MSN: variants seen among roughly 807,000 people sequenced by gnomAD.
MSN encodes epididymis luminal protein 70.
In MSN, 2 loss-of-function variants were observed where a neutral mutation model predicts 48.0. The ratio of observed to expected loss-of-function variants is 0.04; its 90% CI spans 0.02 to 0.13. The LOEUF (loss-of-function observed/expected upper bound fraction) is 0.13, where lower values mean the gene tolerates loss of function less well. MSN is among the 10% of genes least tolerant of loss of function. MSN has a pLI of 1.00. For missense variants in MSN, 267 were observed against 470.1 expected (o/e 0.57, Z 3.99); for synonymous variants, 146 against 166.9 (o/e 0.87, Z 0.97).
chrX:65,602,921 C>A (rs946345669), intron 1 of MSN, among the ~76,000 whole-genome samples: 4 of 111,117 alleles, frequency 3.6e-5, no homozygotes, highest in Admixed American at 2.9e-4. Flanking sequence ...CTGGTAGGAA[C>A]CTTAGAGACC....
At chrX:65,591,257 G>A (rs1172719793) in intron 1 of MSN, among the ~76,000 whole-genome samples, 2 of 111,580 alleles carry the variant, frequency 1.8e-5, no homozygotes, top group Non-Finnish European at 3.8e-5. Context: ...TCTTAGGCAT[G>A]TGTATCTCAG....
At chrX:65,702,922 C>T (rs1359372126) in intron 1 of MSN, among the ~76,000 whole-genome samples, 2 of 111,897 alleles carry the variant, frequency 1.8e-5, no homozygotes, top group Non-Finnish European at 3.8e-5. Flanking sequence ...GAGGAAATCC[C>T]CATCTCTCTC....
chrX:65,637,284 C>T (rs1252116465), intron 1 of MSN, among the ~76,000 whole-genome samples: 1 of 105,906 alleles, frequency 9.4e-6, no homozygotes. Context: ...TGCCTGTAAT[C>T]CCAGCTACTC....
intron 7 of MSN, among the ~76,000 whole-genome samples, chrX:65,734,913 T>C (rs1202615209): frequency 8.9e-6 from 1 of 112,157 alleles, no homozygotes; most frequent in Non-Finnish European, 1.9e-5. Context: ...AGACCTAGCA[T>C]GTTCCCTAAT....
At chrX:65,628,701 ATGT>A (rs1462957578) in intron 1 of MSN, among the ~76,000 whole-genome samples, 3 of 111,080 alleles carry the variant, frequency 2.7e-5, no homozygotes, top group Non-Finnish European at 5.7e-5. Context: ...CTTAAAAAAA[ATGT>A]TTTTTTTTTC....
chrX:65,688,320 C>T (rs1291461646), intron 1 of MSN, among the ~76,000 whole-genome samples: 3 of 111,842 alleles, frequency 2.7e-5, no homozygotes, highest in African/African-American at 9.8e-5. Context: ...TCAAGAGATC[C>T]GCCCACTTCG....
chrX:65,645,943 G>A (rs894822233), intron 1 of MSN, among the ~76,000 whole-genome samples: 4 of 111,686 alleles, frequency 3.6e-5, no homozygotes, highest in African/African-American at 9.8e-5. Flanking sequence ...TCCCTAATCC[G>A]AAAAGTTGGC....
intron 9 of MSN, 86 bp from the exon 10 acceptor site, chrX:65,737,092 G>A (rs1006995422): frequency 1.1e-5 from 13 of 1,135,892 alleles, no homozygotes; most frequent in Non-Finnish European, 1.5e-5. Context: ...GCTTTGTCTT[G>A]GGGTGGATCA....
At chrX:65,618,270 T>G (rs1371339062) in intron 1 of MSN, among the ~76,000 whole-genome samples, 7 of 111,324 alleles carry the variant, frequency 6.3e-5, no homozygotes, top group African/African-American at 2.3e-4. Context: ...CTTGCTGACT[T>G]TCTGTCTTGT....
At chrX:65,668,550 C>T (rs1402715133) in intron 1 of MSN, among the ~76,000 whole-genome samples, 1 of 111,699 alleles carries the variant, frequency 9.0e-6, no homozygotes, top group African/African-American at 3.3e-5. Flanking sequence ...TAATGCCTCT[C>T]TATCTCCTCC....
intron 1 of MSN, among the ~76,000 whole-genome samples, chrX:65,622,064 A>G (rs1353348018): frequency 1.8e-5 from 2 of 108,939 alleles, no homozygotes; most frequent in Admixed American, 2.0e-4. Context: ...GTCATCTGTG[A>G]ATAGAGGTAG....
chrX:65,690,065 G>A (rs1293227213), intron 1 of MSN, among the ~76,000 whole-genome samples: 3 of 111,530 alleles, frequency 2.7e-5, no homozygotes, highest in African/African-American at 9.8e-5. Flanking sequence ...CAGCTTGCCT[G>A]TGTAATTGAT....
chrX:65,588,730 A>C, intron 1 of MSN: 6 of 499,709 alleles, frequency 1.2e-5, no homozygotes, highest in South Asian at 1.1e-4. Context: ...AACTCTTCTC[A>C]GGGGGTAGGG....
chrX:65,618,435 T>C (rs915405387), intron 1 of MSN, among the ~76,000 whole-genome samples: 8 of 111,445 alleles, frequency 7.2e-5, no homozygotes, highest in African/African-American at 2.6e-4. Flanking sequence ...CTCTTCTTGT[T>C]GAATTGATCC....
At chrX:65,595,768 T>C (rs996861378) in intron 1 of MSN, among the ~76,000 whole-genome samples, 2 of 112,250 alleles carry the variant, frequency 1.8e-5, no homozygotes, top group Admixed American at 1.9e-4. Flanking sequence ...TATTTGAATA[T>C]CCTCATGATA....
In MSN at chrX:65,737,372, C is replaced by T. The variant is rs758690162; in HGVS notation, c.1251+34C>T. On this transcript the variant is annotated intron_variant, in intron 10 of 12. Transcript: ENST00000360270. The stretch of plus-strand genomic sequence containing the variant: ...GTAGGGTGGGCTGGGATTATGGGAA[C>T]TGAACTTTCTTCCTTGTCTGCCTAC... 127 of 1,174,743 alleles carry T rather than the reference C, an allele frequency of 1.1e-4. No homozygotes were observed. The East Asian group carries it at 3.7e-3, about 34-fold the overall frequency.
At chrX:65,617,438 A>G (rs1376314504) in intron 1 of MSN, among the ~76,000 whole-genome samples, 1 of 103,330 alleles carries the variant, frequency 9.7e-6, no homozygotes, top group East Asian at 2.8e-4. Context: ...GTCTTGGGAG[A>G]GTGTATGTGT....
chrX:65,739,962 C>T lies in MSN; in HGVS notation c.*69C>T, dbSNP rs2071719146. ...CCCCACACTCCTACACCTAACTCAC[C>T]TAACTCATACTGTGCTGGAGCCACT... On this transcript the variant is annotated 3_prime_UTR_variant, in exon 13 of 13. Transcript: ENST00000360270. 6 of 1,085,182 alleles carry T rather than the reference C, an allele frequency of 5.5e-6. No individual in the cohort carries two copies. The highest frequency in any genetic ancestry group is 6.2e-6 in the Non-Finnish European group (5 of 801,646). The allele number at this position is 1,085,182 out of a possible 1,213,427, so 89.4% of individuals were successfully genotyped here. A position where few individuals can be genotyped will look rare whatever the true frequency, so the allele number is the denominator to read the frequency against.
chrX:65,614,330 C>T (rs985726050), intron 1 of MSN, among the ~76,000 whole-genome samples: 7 of 111,727 alleles, frequency 6.3e-5, no homozygotes, highest in Non-Finnish European at 1.3e-4. Context: ...GTTCTTTTTG[C>T]TTAGGATTTT....
Sources: allele counts gnomAD v4.1 joint callset (sites outside exome capture counted in the v4.1 genomes callset), GRCh38; gene constraint gnomAD v4.1.1; transcripts MANE v1.5; gene names NCBI Gene and HGNC (gene_info 2026-07-23, HGNC 2026-07-21).